The following SLC22A9 variants were observed in gnomAD, a reference collection of about 807,000 sequenced individuals.
SLC22A9 encodes organic anion transporter 7.
Under a neutral mutation model 50.1 loss-of-function variants are expected in SLC22A9, and 64 were observed. That is an observed-to-expected ratio of 1.28 (90% CI 1.04 to 1.57). The LOEUF (loss-of-function observed/expected upper bound fraction) is 1.57. Ranked by LOEUF, SLC22A9 falls within the 40% of genes most tolerant of loss-of-function variation. The pLI is 0.00. For missense variants in SLC22A9, 757 were observed against 676.1 expected, an observed-to-expected ratio of 1.12 and a Z score of -1.33; for synonymous variants, 261 against 242.5, an observed-to-expected ratio of 1.08 and a Z score of -0.71.
Position 63,374,111 on chromosome 11 carries a change from T to C in SLC22A9, c.830+49T>C, listed in dbSNP as rs369844181. 3.5e-5 allele frequency: 53 copies of C among 1,530,618 alleles called. No homozygotes were observed. The Middle Eastern group carries it at 7.3e-4, about 21-fold the overall frequency. 94.8% of individuals were successfully genotyped at this position (1,530,618 alleles called of 1,614,324 possible). A position where few individuals can be genotyped will look rare whatever the true frequency, so the allele number is the denominator to read the frequency against. ...TCTTAATGAGATATTGGAATGAGAA[T>C]GTATGTGGAACTAGGACACCTGAAT... is the stretch of plus-strand genomic sequence containing the variant. On this transcript the variant is annotated intron_variant, in intron 4 of 9. Coordinates refer to ENST00000279178, the MANE Select transcript of SLC22A9 (RefSeq NM_080866.3).
chr11:63,400,095 A>G (rs2014927441), intron 6 of SLC22A9, among the ~76,000 whole-genome samples: 1 of 152,116 alleles, frequency 6.6e-6, no homozygotes, highest in East Asian at 1.9e-4. Context: ...AAGACTTCAA[A>G]TAGCCTAGGA....
chr11:63,396,525 G>T (rs925778052), intron 6 of SLC22A9, among the ~76,000 whole-genome samples: 1 of 152,134 alleles, frequency 6.6e-6, no homozygotes, highest in Non-Finnish European at 1.5e-5. Flanking sequence ...TGCAGTTTGG[G>T]CACTCATCGT....
intron 2 of SLC22A9, among the ~76,000 whole-genome samples, chr11:63,373,333 G>A (rs531696432): frequency 5.3e-5 from 8 of 152,122 alleles, no homozygotes; most frequent in East Asian, 1.9e-4. Context: ...TTATTAGTAC[G>A]CTGTGTGTTA....
intron 6 of SLC22A9, among the ~76,000 whole-genome samples, chr11:63,398,439 T>A (rs2014896873): frequency 6.6e-6 from 1 of 152,108 alleles, no homozygotes; most frequent in Non-Finnish European, 1.5e-5. Context: ...CTTTTAAGTT[T>A]ATTTAAGACC....
intron 6 of SLC22A9, among the ~76,000 whole-genome samples, chr11:63,387,579 G>A (rs1011898213): frequency 2.3e-4 from 35 of 152,194 alleles, no homozygotes; most frequent in African/African-American, 7.2e-4. Context: ...TTGAAGTCAC[G>A]TAATGTGGTT....
chr11:63,381,982 C>T (rs1236414883), intron 5 of SLC22A9, among the ~76,000 whole-genome samples, 177 bp from the exon 6 acceptor site: 2 of 152,128 alleles, frequency 1.3e-5, no homozygotes, highest in Admixed American at 1.3e-4. Context: ...GCTGCTTTAA[C>T]GTCCTAATTC....
chr11:63,382,769 T>C (rs1205680639), intron 6 of SLC22A9, among the ~76,000 whole-genome samples: 1 of 152,126 alleles, frequency 6.6e-6, no homozygotes, highest in Non-Finnish European at 1.5e-5. Context: ...GAAACATTGA[T>C]TTAACAATGA....
chr11:63,392,497 G>T (rs2014781617), intron 6 of SLC22A9, among the ~76,000 whole-genome samples: 2 of 151,790 alleles, frequency 1.3e-5, no homozygotes, highest in South Asian at 4.1e-4. Flanking sequence ...TACTACTCTG[G>T]GATAAAAGGT....
chr11:63,397,601 G>A (rs2014881557), intron 6 of SLC22A9, among the ~76,000 whole-genome samples: 1 of 152,064 alleles, frequency 6.6e-6, no homozygotes, highest in South Asian at 2.1e-4. Context: ...ACAAAAGAAA[G>A]TCTTTTCCAT....
At chr11:63,407,551 T>C (rs1177954708) in intron 7 of SLC22A9, among the ~76,000 whole-genome samples, 1 of 152,212 alleles carries the variant, frequency 6.6e-6, no homozygotes, top group East Asian at 1.9e-4. Flanking sequence ...CCTTCAGTGC[T>C]TTCCAAAGTC....
intron 5 of SLC22A9, among the ~76,000 whole-genome samples, chr11:63,379,467 C>A (rs560655942): frequency 6.6e-6 from 1 of 152,128 alleles, no homozygotes; most frequent in South Asian, 2.1e-4. Context: ...GGTCTCATGA[C>A]AAAGACTCCA....
intron 9 of SLC22A9, 133 bp from the exon 10 acceptor site, chr11:63,409,669 G>C: frequency 1.2e-6 from 1 of 839,252 alleles, no homozygotes; most frequent in Non-Finnish European, 1.9e-6. Context: ...CAATCCCTTG[G>C]GGGCAGAGAT....
At position 63,404,807 on chromosome 11, in the gene SLC22A9, C is replaced by T. The variant is rs193190629; in HGVS notation, c.1074-1690C>T. Among the ~76,000 whole-genome samples, 9 of 152,256 alleles carry T rather than the reference C, an allele frequency of 5.9e-5. No individual in the cohort carries two copies. The East Asian group carries it at 1.7e-3, about 29-fold the overall frequency. On this transcript the variant is annotated intron_variant, in intron 6 of 9. Coordinates refer to ENST00000279178, the MANE Select transcript of SLC22A9 (RefSeq NM_080866.3). ...ACAGTTTATGTCTGCCTGACCATTG[C>T]TCTGGCACTGGTTGCCTAACATTGT...
At chr11:63,398,113 A>T (rs1443235383) in intron 6 of SLC22A9, among the ~76,000 whole-genome samples, 1 of 152,172 alleles carries the variant, frequency 6.6e-6, no homozygotes, top group Non-Finnish European at 1.5e-5. Flanking sequence ...GAATCCTGTC[A>T]GGCCTGCGTC....
chr11:63,408,038 T>C, intron 7 of SLC22A9, 74 bp from the exon 8 acceptor site: 1 of 1,257,552 alleles, frequency 8.0e-7, no homozygotes, highest in South Asian at 1.3e-5. Context: ...ATACAGTCCT[T>C]TTCACTTCTA....
At chr11:63,386,880 T>C (rs1244330491) in intron 6 of SLC22A9, among the ~76,000 whole-genome samples, 1 of 151,934 alleles carries the variant, frequency 6.6e-6, no homozygotes, top group Non-Finnish European at 1.5e-5. Flanking sequence ...TTGTTTTTTG[T>C]ATCGCTGTCT....
intron 4 of SLC22A9, among the ~76,000 whole-genome samples, chr11:63,375,047 G>A (rs2014436551): frequency 6.6e-6 from 1 of 152,092 alleles, no homozygotes; most frequent in African/African-American, 2.4e-5. Context: ...ACAGAGAGAA[G>A]AGTTCAGATA....
At chr11:63,393,329 A>G (rs1412519201) in intron 6 of SLC22A9, among the ~76,000 whole-genome samples, 3 of 152,248 alleles carry the variant, frequency 2.0e-5, no homozygotes, top group East Asian at 3.9e-4. Context: ...ATTAGTGTAC[A>G]TTAATTTTGT....
intron 6 of SLC22A9, among the ~76,000 whole-genome samples, chr11:63,404,746 T>G (rs1170352956): frequency 6.6e-6 from 1 of 152,172 alleles, no homozygotes; most frequent in African/African-American, 2.4e-5. Context: ...TTGTTTATAC[T>G]GGCAGATGCC....
Sources: allele counts gnomAD v4.1 joint callset (sites outside exome capture counted in the v4.1 genomes callset), GRCh38; gene constraint gnomAD v4.1.1; transcripts MANE v1.5; gene names NCBI Gene and HGNC (gene_info 2026-07-23, HGNC 2026-07-21).